Variants in AP1S3 observed in about 807,000 individuals in gnomAD.
AP1S3 encodes the protein adaptor related protein complex 1 subunit sigma 3.
AP1S3 carries 10 observed loss-of-function variants against 20.9 expected under a neutral mutation model. The ratio of observed to expected loss-of-function variants is 0.48; its 90% CI spans 0.29 to 0.81. AP1S3 has a LOEUF of 0.81. Among genes scored for constraint, AP1S3 ranks in the 30% least tolerant of loss-of-function variants. The pLI is 0.08. For missense variants in AP1S3, 154 were observed against 183.8 expected (o/e 0.84, Z 0.94); for synonymous variants, 41 against 61.5 (o/e 0.67, Z 1.56).
At chr2:223,831,353 C>T (rs1421204013) in intron 1 of AP1S3, among the ~76,000 whole-genome samples, 1 of 152,128 alleles carries the variant, frequency 6.6e-6, no homozygotes, top group South Asian at 2.1e-4. Flanking sequence ...GGGCTGGTCT[C>T]GAACTTCCAG....
At chr2:223,784,876 T>C (rs1691037623) in intron 1 of AP1S3, among the ~76,000 whole-genome samples, 1 of 152,050 alleles carries the variant, frequency 6.6e-6, no homozygotes, top group South Asian at 2.1e-4. Flanking sequence ...AAATATTTCT[T>C]AAGAATGTGC....
At chr2:223,817,203 G>A (rs901587153) in intron 1 of AP1S3, among the ~76,000 whole-genome samples, 5 of 152,146 alleles carry the variant, frequency 3.3e-5, no homozygotes, top group South Asian at 2.1e-4. Context: ...TCACCACAAC[G>A]TAATGTTAGT....
intron 1 of AP1S3, among the ~76,000 whole-genome samples, chr2:223,821,844 A>G (rs981633431): frequency 1.3e-5 from 2 of 152,186 alleles, no homozygotes; most frequent in African/African-American, 4.8e-5. Context: ...ATGTTCATAG[A>G]GACATATTAT....
intron 1 of AP1S3, among the ~76,000 whole-genome samples, chr2:223,809,556 A>G (rs1356631905): frequency 6.6e-6 from 1 of 151,674 alleles, no homozygotes; most frequent in African/African-American, 2.4e-5. Flanking sequence ...GAGGCAGAGA[A>G]TTGCTTGAAC....
At chr2:223,817,074 G>A (rs762041004) in intron 1 of AP1S3, among the ~76,000 whole-genome samples, 2 of 152,114 alleles carry the variant, frequency 1.3e-5, no homozygotes, top group African/African-American at 4.8e-5. Flanking sequence ...GCAGTGAGCC[G>A]AGCTAGTGCC....
At chr2:223,767,208 A>G (rs1478953623) in intron 3 of AP1S3, among the ~76,000 whole-genome samples, 1 of 151,972 alleles carries the variant, frequency 6.6e-6, no homozygotes, top group Non-Finnish European at 1.5e-5. Context: ...AGAAAAAAAA[A>G]AGAAAGAAAG....
intron 1 of AP1S3, among the ~76,000 whole-genome samples, chr2:223,781,879 C>T (rs770434124): frequency 3.3e-5 from 5 of 152,126 alleles, no homozygotes; most frequent in Non-Finnish European, 7.4e-5. Context: ...TCTTCCTCCA[C>T]CTAACCTAAA....
intron 1 of AP1S3, among the ~76,000 whole-genome samples, chr2:223,782,052 C>CCCA (rs1314759158): frequency 3.3e-5 from 5 of 150,066 alleles, no homozygotes. Flanking sequence ...CACTCTGCCA[C>CCCA]CCAGGCTGGA....
At chr2:223,778,361 G>A (rs903276056) in intron 1 of AP1S3, among the ~76,000 whole-genome samples, 3 of 151,944 alleles carry the variant, frequency 2.0e-5, no homozygotes, top group Non-Finnish European at 4.4e-5. Flanking sequence ...CCTGACCTCA[G>A]GTGATCGCCC....
intron 1 of AP1S3, among the ~76,000 whole-genome samples, chr2:223,794,579 A>G (rs569676911): frequency 2.0e-5 from 3 of 152,170 alleles, no homozygotes; most frequent in Non-Finnish European, 4.4e-5. Context: ...GGTAAGAAGT[A>G]TCTAATAGCA....
At chr2:223,780,870 G>A (rs1359020291) in intron 1 of AP1S3, among the ~76,000 whole-genome samples, 2 of 151,770 alleles carry the variant, frequency 1.3e-5, no homozygotes, top group Non-Finnish European at 2.9e-5. Context: ...TGAGGTTTCA[G>A]GTACAACTGA....
In AP1S3 at chr2:223,834,908, G is replaced by C. The variant is rs79191621; in HGVS notation, c.3+2540C>G. ...TTACAATTTTGCAAATCTCCTTAATGTCTGGGCTTATCAAAGACAGTTGGA... is the reference window on the plus strand; with the variant it reads ...TTACAATTTTGCAAATCTCCTTAATCTCTGGGCTTATCAAAGACAGTTGGA... On this transcript the variant is annotated intron_variant, in intron 1 of 4. Transcript: ENST00000396654. Among the ~76,000 whole-genome samples the C allele has an allele frequency of 7.1e-3, 1,086 of 152,064 alleles. 14 individuals carry two copies. Among genetic ancestry groups the C allele is most frequent in the African/African-American group, 0.025 (1,050 of 41,466 alleles).
At chr2:223,770,746 T>G (rs1365289991) in intron 3 of AP1S3, among the ~76,000 whole-genome samples, 1 of 149,550 alleles carries the variant, frequency 6.7e-6, no homozygotes, top group African/African-American at 2.5e-5. Context: ...TTTTTTTTTT[T>G]GGAAACAGTC....
intron 1 of AP1S3, among the ~76,000 whole-genome samples, chr2:223,781,856 T>G (rs1690955527): frequency 6.6e-6 from 1 of 152,150 alleles, no homozygotes. Context: ...TTGCATTTCC[T>G]GCTAGAAATT....
intron 1 of AP1S3, among the ~76,000 whole-genome samples, chr2:223,797,678 A>G (rs1036956881): frequency 5.9e-5 from 9 of 152,146 alleles, no homozygotes; most frequent in African/African-American, 2.2e-4. Flanking sequence ...AGGCAGAAGA[A>G]TCACTTGAAC....
chr2:223,809,090 T>A (rs1691653180), intron 1 of AP1S3, among the ~76,000 whole-genome samples: 1 of 152,232 alleles, frequency 6.6e-6, no homozygotes. Flanking sequence ...CCTTACAATC[T>A]GTTATTAATA....
At chr2:223,770,746 T>TTG (rs57644752) in intron 3 of AP1S3, among the ~76,000 whole-genome samples, 1 of 149,550 alleles carries the variant, frequency 6.7e-6, no homozygotes, top group African/African-American at 2.5e-5. Flanking sequence ...TTTTTTTTTT[T>TTG]GGAAACAGTC....
intron 1 of AP1S3, among the ~76,000 whole-genome samples, chr2:223,810,113 G>C (rs931965679): frequency 5.9e-5 from 9 of 152,124 alleles, no homozygotes; most frequent in Non-Finnish European, 1.0e-4. Flanking sequence ...CAGTTATGGG[G>C]AGAAGCCTCT....
chr2:223,765,209 T>A lies in AP1S3; in HGVS notation c.429+4A>T, dbSNP rs1370606080. 1 of 1,612,396 alleles carries A rather than the reference T, an allele frequency of 6.2e-7. No individual in the cohort carries two copies. Among genetic ancestry groups the A allele is most frequent in the African/African-American group, 1.3e-5 (1 of 74,828 alleles). On this transcript the variant is annotated splice_donor_region_variant and intron_variant, in intron 4 of 4. Transcript: ENST00000396654. ...TCTCCCATGGTTTGGGAAACCGTACTGACCTCCTGTAACATATCAGAGTCT... is the reference window on the plus strand; with the variant it reads ...TCTCCCATGGTTTGGGAAACCGTACAGACCTCCTGTAACATATCAGAGTCT...
Sources: allele counts gnomAD v4.1 joint callset (sites outside exome capture counted in the v4.1 genomes callset), GRCh38; gene constraint gnomAD v4.1.1; transcripts MANE v1.5; gene names NCBI Gene and HGNC (gene_info 2026-07-23, HGNC 2026-07-21).